The following NCOA2 variants were observed in gnomAD, a reference collection of about 807,000 sequenced individuals.
NCOA2 encodes the protein class E basic helix-loop-helix protein 75.
NCOA2 carries 21 observed loss-of-function variants against 145.1 expected under a neutral mutation model. That is an observed-to-expected ratio of 0.14 (90% CI 0.10 to 0.21). The LOEUF is 0.21. Ranked by LOEUF, NCOA2 falls within the 10% of genes least tolerant of loss-of-function variation. The pLI is 1.00. For missense variants in NCOA2, 1,472 were observed against 1,837.6 expected (o/e 0.80, Z 3.64); for synonymous variants, 619 against 637.5 (o/e 0.97, Z 0.44).
chr8:70,382,100 T>C (rs561246409), intron 1 of NCOA2, among the ~76,000 whole-genome samples: 96 of 152,176 alleles, frequency 6.3e-4, no homozygotes, highest in African/African-American at 2.3e-3. Flanking sequence ...GTTAGCAGCA[T>C]AAAACCTAAA....
chr8:70,453,983 T>C, the NCOA2 span, among the ~76,000 whole-genome samples: 1 of 152,248 alleles, frequency 6.6e-6, no homozygotes, highest in Non-Finnish European at 1.5e-5. Context: ...TTGAGAATTG[T>C]TCATGTTTCA....
chr8:70,315,331 T>G (rs2136075904), intron 1 of NCOA2, among the ~76,000 whole-genome samples: 1 of 152,302 alleles, frequency 6.6e-6, no homozygotes, highest in African/African-American at 2.4e-5. Context: ...GAATAACCTC[T>G]TAGAGACCCA....
intron 2 of NCOA2, among the ~76,000 whole-genome samples, chr8:70,227,515 A>C (rs1421087911): frequency 1.3e-5 from 2 of 152,190 alleles, no homozygotes; most frequent in African/African-American, 2.4e-5. Flanking sequence ...AAAAAATAAC[A>C]AGAAGGAAAA....
At chr8:70,456,186 A>G in the NCOA2 span, among the ~76,000 whole-genome samples, 1 of 152,104 alleles carries the variant, frequency 6.6e-6, no homozygotes, top group African/African-American at 2.4e-5. Flanking sequence ...CTCTGCACCT[A>G]TAAAAGGAGG....
chr8:70,367,372 T>C (rs183562651), intron 1 of NCOA2, among the ~76,000 whole-genome samples: 1 of 152,360 alleles, frequency 6.6e-6, no homozygotes, highest in East Asian at 1.9e-4. Context: ...TGAAGCTCTG[T>C]GGGAATAATA....
intron 2 of NCOA2, among the ~76,000 whole-genome samples, chr8:70,262,536 G>A (rs1011076656): frequency 1.2e-4 from 18 of 152,256 alleles, no homozygotes; most frequent in East Asian, 5.8e-4. Context: ...GTACTGCTGC[G>A]GGAAAGATTC....
At chr8:70,416,056 T>TTG in the NCOA2 span, among the ~76,000 whole-genome samples, 4 of 152,180 alleles carry the variant, frequency 2.6e-5, no homozygotes, top group African/African-American at 9.7e-5. Flanking sequence ...GCTCATGCAA[T>TTG]TGTGGGGACT....
chr8:70,177,673 T>C (rs978735324), intron 4 of NCOA2, among the ~76,000 whole-genome samples: 7 of 152,326 alleles, frequency 4.6e-5, no homozygotes, highest in Middle Eastern at 3.4e-3. Flanking sequence ...AGGCATCTCA[T>C]ATTCTCTCAG....
chr8:70,361,539 C>A (rs1810201157), intron 1 of NCOA2, among the ~76,000 whole-genome samples: 1 of 152,020 alleles, frequency 6.6e-6, no homozygotes, highest in Non-Finnish European at 1.5e-5. Flanking sequence ...TGTATGAAAT[C>A]TTAATTCATT....
At chr8:70,333,697 C>CTT (rs1392892140) in intron 1 of NCOA2, among the ~76,000 whole-genome samples, 1 of 152,190 alleles carries the variant, frequency 6.6e-6, no homozygotes, top group African/African-American at 2.4e-5. Flanking sequence ...ACTACCTGCA[C>CTT]TTGTCAATTC....
In NCOA2 at chr8:70,128,424, T is replaced by C. The variant is rs1245551574; in HGVS notation, c.3681+9A>G. The C allele has an allele frequency of 1.2e-5, 20 of 1,608,094 alleles. 1 individual carries two copies. In the East Asian group the frequency reaches 3.1e-4, roughly 25 times the overall value. ...ACAATGAAAGCTAATGGCTGGTATG[T>C]TGCCTTACCTGTGTTGGTACTCCAG... On this transcript the variant is annotated intron_variant, in intron 18 of 22. Transcript: ENST00000452400.
intron 21 of NCOA2, among the ~76,000 whole-genome samples, chr8:70,122,445 C>G (rs1563479794): frequency 6.7e-6 from 1 of 150,362 alleles, no homozygotes; most frequent in African/African-American, 2.5e-5. Context: ...TTTTCAGAGA[C>G]AGAGTCTTAC....
At chr8:70,396,529 C>T (rs934623965) in intron 1 of NCOA2, among the ~76,000 whole-genome samples, 1 of 152,192 alleles carries the variant, frequency 6.6e-6, no homozygotes, top group Non-Finnish European at 1.5e-5. Context: ...CATCTTTGCC[C>T]TGCACTTGGT....
chr8:70,281,715 C>T (rs570133346), intron 2 of NCOA2, among the ~76,000 whole-genome samples: 1 of 152,246 alleles, frequency 6.6e-6, no homozygotes, highest in South Asian at 2.1e-4. Flanking sequence ...TGCAGCAGTC[C>T]GTGGCCAAGG....
intron 2 of NCOA2, among the ~76,000 whole-genome samples, chr8:70,221,677 C>A (rs1324320362): frequency 6.6e-6 from 1 of 152,154 alleles, no homozygotes; most frequent in African/African-American, 2.4e-5. Flanking sequence ...ATTATTTTGG[C>A]AAGATCCCAA....
chr8:70,170,179 A>C (rs1814088767), intron 6 of NCOA2, 23 bp downstream of exon 6: 2 of 1,609,420 alleles, frequency 1.2e-6, no homozygotes, highest in Non-Finnish European at 1.7e-6. Flanking sequence ...GGAGGTAGGG[A>C]GGGAGACCCA....
chr8:70,146,449 T>C (rs1171246468), intron 12 of NCOA2, among the ~76,000 whole-genome samples: 3 of 152,190 alleles, frequency 2.0e-5, no homozygotes, highest in Admixed American at 6.5e-5. Context: ...TATATAAACA[T>C]AGTCTGAAAT....
At chr8:70,199,816 A>T (rs1817701420) in intron 4 of NCOA2, among the ~76,000 whole-genome samples, 1 of 152,198 alleles carries the variant, frequency 6.6e-6, no homozygotes, top group South Asian at 2.1e-4. Context: ...TTGACAGCCA[A>T]CTAGGCCAGA....
chr8:70,202,959 G>A (rs1818048748), intron 4 of NCOA2, among the ~76,000 whole-genome samples: 1 of 152,120 alleles, frequency 6.6e-6, no homozygotes, highest in African/African-American at 2.4e-5. Flanking sequence ...TTGGGAGGCT[G>A]AGGTGGCCGG....
Sources: gnomAD v4.1 joint callset for allele counts (sites outside exome capture counted in the v4.1 genomes callset) on GRCh38, gnomAD v4.1.1 for gene constraint, MANE v1.5 for transcripts, NCBI Gene and HGNC (gene_info 2026-07-23, HGNC 2026-07-21) for gene names.